TBCK: variants seen among roughly 807,000 people sequenced by gnomAD.
TBCK encodes TBC domain-containing protein kinase-like protein.
A neutral mutation model predicts 113.4 loss-of-function variants in TBCK; 99 were observed. The ratio of observed to expected loss-of-function variants is 0.87; its 90% CI spans 0.74 to 1.03. The LOEUF is 1.03. Among genes scored for constraint, TBCK ranks in the 50% least tolerant of loss-of-function variants. TBCK has a pLI of 0.00. For missense variants in TBCK, 1,045 were observed against 1,061.3 expected (o/e 0.98, Z 0.21); for synonymous variants, 369 against 370.8 (o/e 1.00, Z 0.05).
intron 22 of TBCK, among the ~76,000 whole-genome samples, chr4:106,181,047 T>C (rs888223747): frequency 6.6e-6 from 1 of 152,210 alleles, no homozygotes; most frequent in African/African-American, 2.4e-5. Flanking sequence ...TCTTGACTTT[T>C]TAATGATCAC....
At chr4:106,279,749 C>CT (rs1363643082) in intron 3 of TBCK, among the ~76,000 whole-genome samples, 1 of 152,098 alleles carries the variant, frequency 6.6e-6, no homozygotes, top group Non-Finnish European at 1.5e-5. Flanking sequence ...TATGTGGTTG[C>CT]AAATGACAGG....
chr4:106,079,736 A>C (rs1738636221), intron 25 of TBCK, among the ~76,000 whole-genome samples: 1 of 152,180 alleles, frequency 6.6e-6, no homozygotes, highest in Admixed American at 6.5e-5. Context: ...GTTATAAATA[A>C]TTGCCTGAGA....
intron 11 of TBCK, 78 bp from the exon 12 acceptor site, chr4:106,242,647 A>C (rs1293859154): frequency 2.2e-6 from 2 of 899,938 alleles, no homozygotes; most frequent in Admixed American, 5.4e-5. Context: ...GTTTATTCTA[A>C]GTCATCAATC....
At chr4:106,058,063 T>A (rs1735630551) in intron 25 of TBCK, among the ~76,000 whole-genome samples, 1 of 151,802 alleles carries the variant, frequency 6.6e-6, no homozygotes, top group South Asian at 2.1e-4. Context: ...GCTTTGTTCA[T>A]TAACTTAATC....
intron 11 of TBCK, among the ~76,000 whole-genome samples, 188 bp downstream of exon 11, chr4:106,244,438 T>A (rs889093321): frequency 2.6e-5 from 4 of 152,102 alleles, no homozygotes; most frequent in African/African-American, 9.7e-5. Context: ...ATTAGAAACT[T>A]TGGCCAATCA....
intron 23 of TBCK, among the ~76,000 whole-genome samples, chr4:106,169,197 G>C (rs1239780687): frequency 6.6e-6 from 1 of 151,970 alleles, no homozygotes; most frequent in African/African-American, 2.4e-5. Context: ...TTATTTTGTA[G>C]GTATCAACAA....
chr4:106,235,242 G>GCTT, intron 15 of TBCK, 27 bp downstream of exon 15: 3 of 1,494,654 alleles, frequency 2.0e-6, no homozygotes, highest in Non-Finnish European at 2.7e-6. Flanking sequence ...TAATTAATCA[G>GCTT]CTTCTAACCT....
intron 17 of TBCK, 86 bp downstream of exon 17, chr4:106,232,852 T>C: frequency 2.3e-6 from 3 of 1,304,458 alleles, no homozygotes; most frequent in East Asian, 2.4e-5. Flanking sequence ...AAGACAAGGA[T>C]GTTTAGATAT....
intron 23 of TBCK, among the ~76,000 whole-genome samples, chr4:106,169,387 C>T (rs1579110398): frequency 6.6e-6 from 1 of 152,152 alleles, no homozygotes; most frequent in East Asian, 1.9e-4. Flanking sequence ...GAAATCAACC[C>T]ACATAAATAC....
intron 25 of TBCK, among the ~76,000 whole-genome samples, chr4:106,084,247 C>T (rs954477561): frequency 6.6e-6 from 1 of 152,042 alleles, no homozygotes; most frequent in African/African-American, 2.4e-5. Flanking sequence ...ACATAAACGA[C>T]CTGAAGGGGC....
chr4:106,279,075 G>C (rs1206520864), intron 3 of TBCK, among the ~76,000 whole-genome samples: 2 of 152,038 alleles, frequency 1.3e-5, no homozygotes, highest in African/African-American at 4.8e-5. Context: ...TAATTTAATG[G>C]ATATAGACCT....
chr4:106,104,732 T>C (rs984217707), intron 24 of TBCK, among the ~76,000 whole-genome samples: 4 of 152,346 alleles, frequency 2.6e-5, no homozygotes, highest in East Asian at 3.9e-4. Flanking sequence ...ACACTTGGTA[T>C]AGGTGCCTTT....
intron 23 of TBCK, among the ~76,000 whole-genome samples, chr4:106,120,372 G>C (rs113911732): frequency 2.6e-5 from 4 of 152,210 alleles, no homozygotes; most frequent in Admixed American, 2.6e-4. Flanking sequence ...ACTGCAAGGC[G>C]GCAGCGAGGC....
At chr4:106,216,290 C>T (rs1238509893) in intron 19 of TBCK, among the ~76,000 whole-genome samples, 1 of 151,280 alleles carries the variant, frequency 6.6e-6, no homozygotes, top group Admixed American at 6.6e-5. Flanking sequence ...GACACCCTAA[C>T]ATCACAATTA....
intron 24 of TBCK, among the ~76,000 whole-genome samples, chr4:106,096,666 C>A (rs549297447): frequency 6.6e-6 from 1 of 152,258 alleles, no homozygotes; most frequent in Admixed American, 6.5e-5. Flanking sequence ...GATGACCCTG[C>A]TACAACCATG....
At chr4:106,177,443 C>A (rs537569874) in intron 22 of TBCK, among the ~76,000 whole-genome samples, 1 of 151,674 alleles carries the variant, frequency 6.6e-6, no homozygotes, top group Non-Finnish European at 1.5e-5. Context: ...ATTTCCACAA[C>A]GTGGTCTAGT....
At chr4:106,179,671 T>C (rs531762874) in intron 22 of TBCK, among the ~76,000 whole-genome samples, 1 of 152,232 alleles carries the variant, frequency 6.6e-6, no homozygotes, top group East Asian at 1.9e-4. Context: ...AGGGTCCATC[T>C]TGGAGAATGT....
intron 19 of TBCK, among the ~76,000 whole-genome samples, chr4:106,220,739 C>A (rs1356379975): frequency 6.6e-6 from 1 of 152,148 alleles, no homozygotes; most frequent in African/African-American, 2.4e-5. Context: ...CAATTTACAT[C>A]AGTTTCAAGA....
chr4:106,221,510 C>T (rs1179041729), intron 19 of TBCK, among the ~76,000 whole-genome samples: 1 of 152,042 alleles, frequency 6.6e-6, no homozygotes. Context: ...AAAGTTCTGT[C>T]TCTAAAGGGA....
Sources: allele counts gnomAD v4.1 joint callset (sites outside exome capture counted in the v4.1 genomes callset), GRCh38; gene constraint gnomAD v4.1.1; transcripts MANE v1.5; gene names NCBI Gene and HGNC (gene_info 2026-07-23, HGNC 2026-07-21).